OR2L13: variants seen among roughly 807,000 people sequenced by gnomAD.
OR2L13 encodes the protein olfactory receptor 2L13.
A neutral mutation model predicts 15.3 loss-of-function variants in OR2L13; 14 were observed. The observed-to-expected ratio is 0.91, with a 90% CI of 0.60 to 1.43. The LOEUF (loss-of-function observed/expected upper bound fraction) is 1.43. OR2L13 is among the 40% of genes most tolerant of loss of function. The probability of loss-of-function intolerance (pLI) is 0.00; values close to 1 mark genes in which losing one functional copy is unlikely to be tolerated. For synonymous variants in OR2L13, 152 were observed against 142.9 expected, an observed-to-expected ratio of 1.06 and a Z score of -0.45; for missense variants, 367 against 387.9, an observed-to-expected ratio of 0.95 and a Z score of 0.45.
upstream of OR2L13, among the ~76,000 whole-genome samples, chr1:248,096,998 A>G (rs552636627): frequency 4.2e-4 from 64 of 152,300 alleles, 1 homozygote; most frequent in African/African-American, 1.5e-3. Context: ...GCAACTAACC[A>G]TGAATTAACC....
At chr1:247,964,172 A>G in the OR2L13 span, among the ~76,000 whole-genome samples, 2 of 152,204 alleles carry the variant, frequency 1.3e-5, no homozygotes, top group African/African-American at 4.8e-5. Context: ...TTTGGCCTCC[A>G]GTGAGTTTTG....
chr1:247,995,716 CATTTATTTTTT>C, the OR2L13 span, among the ~76,000 whole-genome samples: 538 of 152,210 alleles, frequency 3.5e-3, 2 homozygotes, highest in African/African-American at 0.012. Context: ...ATTCCTCTAG[CATTTATTTTTT>C]GTTTATTTAT....
chr1:247,986,728 T>A, the OR2L13 span, among the ~76,000 whole-genome samples: 5 of 152,198 alleles, frequency 3.3e-5, no homozygotes, highest in Admixed American at 1.3e-4. Context: ...ACGATATTGA[T>A]TCTTCCTACC....
the OR2L13 span, chr1:247,949,734 A>G: frequency 6.2e-7 from 1 of 1,613,826 alleles, no homozygotes; most frequent in Non-Finnish European, 8.5e-7. Flanking sequence ...TAGCCTGAGG[A>G]ACAAGGAGGT....
the OR2L13 span, among the ~76,000 whole-genome samples, chr1:248,020,822 A>G: frequency 6.6e-6 from 1 of 151,476 alleles, no homozygotes; most frequent in Non-Finnish European, 1.5e-5. Flanking sequence ...TTTTTATTAT[A>G]CTTTAACTTT....
the OR2L13 span, chr1:247,990,844 G>T: frequency 2.5e-5 from 39 of 1,566,412 alleles, no homozygotes; most frequent in Non-Finnish European, 3.3e-5. Context: ...GGATACCTGG[G>T]TCTATGAGTG....
the OR2L13 span, among the ~76,000 whole-genome samples, chr1:248,004,477 C>T: frequency 1.3e-5 from 2 of 152,134 alleles, no homozygotes; most frequent in Non-Finnish European, 2.9e-5. Context: ...CTTGGTGGAT[C>T]CAATTGAAAA....
At chr1:247,939,845 C>G in the OR2L13 span, among the ~76,000 whole-genome samples, 1 of 152,170 alleles carries the variant, frequency 6.6e-6, no homozygotes, top group Non-Finnish European at 1.5e-5. Flanking sequence ...ATTTCAATCA[C>G]TCAACACACT....
At chr1:247,978,864 C>CCA in the OR2L13 span, among the ~76,000 whole-genome samples, 17 of 152,064 alleles carry the variant, frequency 1.1e-4, 1 homozygote, top group South Asian at 2.1e-3. Flanking sequence ...GGGCACCCTG[C>CCA]CACAGTCTTG....
chr1:248,082,284 T>A, the OR2L13 span, among the ~76,000 whole-genome samples: 50 of 139,082 alleles, frequency 3.6e-4, no homozygotes, highest in Middle Eastern at 3.6e-3. Context: ...TAGGTGGGAA[T>A]TGAACAATGA....
the OR2L13 span, among the ~76,000 whole-genome samples, chr1:247,955,796 T>C: frequency 6.6e-6 from 1 of 152,146 alleles, no homozygotes; most frequent in South Asian, 2.1e-4. Flanking sequence ...GGATTGTTTT[T>C]TTCTTGTGAA....
At chr1:247,965,502 TATC>T in the OR2L13 span, 1 of 1,613,728 alleles carries the variant, frequency 6.2e-7, no homozygotes, top group Non-Finnish European at 8.5e-7. Flanking sequence ...TGACAGGAAA[TATC>T]ATGCTGATCC....
the OR2L13 span, among the ~76,000 whole-genome samples, chr1:248,046,533 C>T: frequency 6.6e-6 from 1 of 152,102 alleles, no homozygotes; most frequent in African/African-American, 2.4e-5. Context: ...CTGAGTTTAC[C>T]CTTGACATGC....
the OR2L13 span, among the ~76,000 whole-genome samples, chr1:247,940,755 TGC>T: frequency 0.038 from 5,712 of 150,592 alleles, 126 homozygotes; most frequent in Non-Finnish European, 0.044. Flanking sequence ...TGTGTGTGTG[TGC>T]GCGCGCTAAG....
the OR2L13 span, among the ~76,000 whole-genome samples, chr1:247,959,980 T>G: frequency 6.6e-6 from 1 of 152,204 alleles, no homozygotes; most frequent in African/African-American, 2.4e-5. Context: ...CCATTGCTGG[T>G]GAGGAACTGC....
At chr1:247,995,937 G>C in the OR2L13 span, among the ~76,000 whole-genome samples, 2 of 152,166 alleles carry the variant, frequency 1.3e-5, no homozygotes, top group Non-Finnish European at 2.9e-5. Context: ...AACTGACTCA[G>C]TGCAGGATGC....
At chr1:248,088,196 G>C in the OR2L13 span, among the ~76,000 whole-genome samples, 2 of 151,990 alleles carry the variant, frequency 1.3e-5, no homozygotes, top group African/African-American at 4.8e-5. Flanking sequence ...GGTTCTTAAA[G>C]GTTGAGGAAC....
the OR2L13 span, among the ~76,000 whole-genome samples, chr1:247,984,435 TTG>T: frequency 1.3e-5 from 2 of 152,132 alleles, no homozygotes; most frequent in East Asian, 3.9e-4. Context: ...GAAATGTTAA[TTG>T]TGTTAGTAAT....
the OR2L13 span, among the ~76,000 whole-genome samples, chr1:247,957,354 A>G: frequency 6.6e-6 from 1 of 152,232 alleles, no homozygotes; most frequent in Middle Eastern, 3.4e-3. Flanking sequence ...CCAGTATTTT[A>G]CTGAGGATTT....
Sources: gnomAD v4.1 joint callset for allele counts (sites outside exome capture counted in the v4.1 genomes callset) on GRCh38, gnomAD v4.1.1 for gene constraint, MANE v1.5 for transcripts, NCBI Gene and HGNC (gene_info 2026-07-23, HGNC 2026-07-21) for gene names.